The following ADAMTSL1 variants were observed in gnomAD, a reference collection of about 807,000 sequenced individuals.
The protein encoded by ADAMTSL1 is ADAMTS like 1, also known as ADAMTS-like protein 1.
ADAMTSL1 carries 126 observed loss-of-function variants against 201.8 expected under a neutral mutation model. The observed-to-expected ratio is 0.62, with a 90% confidence interval of 0.54 to 0.72. The LOEUF (loss-of-function observed/expected upper bound fraction) is 0.72. Ranked by LOEUF, ADAMTSL1 falls within the 30% of genes least tolerant of loss-of-function variation. The probability of loss-of-function intolerance (pLI) is 0.00; values close to 1 mark genes in which losing one functional copy is unlikely to be tolerated. For synonymous variants in ADAMTSL1, 1,121 were observed against 903.4 expected (o/e 1.24, Z -4.32); for missense variants, 2,679 against 2,277.8 (o/e 1.18, Z -3.59).
chr9:17,961,125 TGGTTCTA>T (rs1327407346), intron 1 of ADAMTSL1, among the ~76,000 whole-genome samples: 3 of 152,164 alleles, frequency 2.0e-5, no homozygotes, highest in Admixed American at 1.3e-4. Flanking sequence ...TGGAATCACT[TGGTTCTA>T]GGTATATACT....
intron 1 of ADAMTSL1, among the ~76,000 whole-genome samples, chr9:17,932,823 C>G (rs1826852041): frequency 6.6e-6 from 1 of 152,146 alleles, no homozygotes; most frequent in Admixed American, 6.6e-5. Context: ...ATTGCAAGCA[C>G]TTTGGAATTT....
At chr9:18,326,286 A>G (rs1834828609) in intron 2 of ADAMTSL1, among the ~76,000 whole-genome samples, 1 of 152,222 alleles carries the variant, frequency 6.6e-6, no homozygotes, top group Non-Finnish European at 1.5e-5. Flanking sequence ...AGGAGGGCTT[A>G]ACTGGAAGGA....
At chr9:18,838,431 C>A (rs924884166) in intron 23 of ADAMTSL1, among the ~76,000 whole-genome samples, 1 of 149,912 alleles carries the variant, frequency 6.7e-6, no homozygotes, top group African/African-American at 2.5e-5. Flanking sequence ...AGAAATTGTC[C>A]TCAGGAAGGT....
chr9:17,954,891 G>A (rs1191189456), intron 1 of ADAMTSL1, among the ~76,000 whole-genome samples: 2 of 152,082 alleles, frequency 1.3e-5, no homozygotes, highest in African/African-American at 2.4e-5. Context: ...TGAAGATGCT[G>A]GACCTGGAGT....
chr9:18,511,024 A>G (rs986032597), intron 2 of ADAMTSL1, among the ~76,000 whole-genome samples: 2 of 152,200 alleles, frequency 1.3e-5, no homozygotes, highest in African/African-American at 2.4e-5. Flanking sequence ...TTCCAAATGC[A>G]TAAGACAGTT....
intron 1 of ADAMTSL1, among the ~76,000 whole-genome samples, chr9:18,045,966 G>A (rs568427357): frequency 5.8e-4 from 89 of 152,260 alleles, no homozygotes; most frequent in African/African-American, 2.0e-3. Flanking sequence ...TGAAGAAGCC[G>A]TTTGTAATTA....
At chr9:18,586,734 G>A (rs2132447592) in intron 4 of ADAMTSL1, among the ~76,000 whole-genome samples, 1 of 152,192 alleles carries the variant, frequency 6.6e-6, no homozygotes, top group Admixed American at 6.5e-5. Context: ...CATGGTACTG[G>A]TTCAAGAACA....
chr9:18,597,471 A>T (rs1824343440), intron 4 of ADAMTSL1, among the ~76,000 whole-genome samples: 1 of 152,224 alleles, frequency 6.6e-6, no homozygotes, highest in Non-Finnish European at 1.5e-5. Flanking sequence ...CCAAAACTTG[A>T]AGTACAAGGT....
intron 1 of ADAMTSL1, among the ~76,000 whole-genome samples, chr9:17,976,400 T>A (rs1382961097): frequency 6.6e-6 from 1 of 152,108 alleles, no homozygotes; most frequent in Non-Finnish European, 1.5e-5. Flanking sequence ...TCAGTTTTTT[T>A]AAATCAGTAT....
intron 2 of ADAMTSL1, among the ~76,000 whole-genome samples, chr9:18,322,332 T>C (rs530848632): frequency 3.9e-5 from 6 of 152,240 alleles, no homozygotes; most frequent in Non-Finnish European, 7.4e-5. Flanking sequence ...GATTAATAAT[T>C]TTGTTAAACC....
chr9:18,726,747 G>C (rs1266698381), intron 15 of ADAMTSL1, among the ~76,000 whole-genome samples: 1 of 152,178 alleles, frequency 6.6e-6, no homozygotes, highest in Admixed American at 6.5e-5. Context: ...GAAATTCCAA[G>C]CAATTTCTGC....
intron 4 of ADAMTSL1, among the ~76,000 whole-genome samples, chr9:18,576,714 T>C (rs1261553522): frequency 6.6e-6 from 1 of 152,258 alleles, no homozygotes; most frequent in Non-Finnish European, 1.5e-5. Flanking sequence ...GAATCATTGC[T>C]ATTTATAATA....
rs375633661 is a variant in ADAMTSL1 at position 18,666,593 on chromosome 9, A to C, written c.1085+4520A>C. Among the ~76,000 whole-genome samples, 141 of 152,234 alleles carry C rather than the reference A, an allele frequency of 9.3e-4. 1 individual carries two copies. Among genetic ancestry groups the C allele is most frequent in the African/African-American group, 3.1e-3 (130 of 41,544 alleles). On this transcript the variant is annotated intron_variant, in intron 9 of 28. Coordinates refer to ENST00000380548, the MANE Select transcript of ADAMTSL1 (RefSeq NM_001040272.6). Reference sequence around the variant, plus strand: ...CATTTAGGATCTAGTAAAATGTAAAATCCTCTCTTGTGCCTACCATGGTAT... The same window carrying C: ...CATTTAGGATCTAGTAAAATGTAAACTCCTCTCTTGTGCCTACCATGGTAT...
intron 1 of ADAMTSL1, among the ~76,000 whole-genome samples, chr9:18,106,469 C>T (rs1325915901): frequency 6.6e-6 from 1 of 152,168 alleles, no homozygotes; most frequent in African/African-American, 2.4e-5. Flanking sequence ...CAAGTTTCAA[C>T]TCTGCTTAGC....
At chr9:18,437,310 A>G (rs541750194) in intron 2 of ADAMTSL1, among the ~76,000 whole-genome samples, 2 of 152,242 alleles carry the variant, frequency 1.3e-5, no homozygotes, top group South Asian at 4.2e-4. Context: ...TAAATTTTAC[A>G]TCATTCATAT....
At chr9:18,388,932 C>G (rs908816714) in intron 2 of ADAMTSL1, among the ~76,000 whole-genome samples, 19 of 151,692 alleles carry the variant, frequency 1.3e-4, no homozygotes, top group African/African-American at 3.9e-4. Context: ...AATTTTTGTA[C>G]TTCTAGTAGA....
intron 1 of ADAMTSL1, among the ~76,000 whole-genome samples, chr9:18,018,688 G>A (rs541786333): frequency 1.1e-4 from 16 of 152,080 alleles, no homozygotes; most frequent in Non-Finnish European, 1.5e-4. Flanking sequence ...TTGAGTCTTC[G>A]GATGAGACCA....
chr9:18,783,409 C>A (rs1050916840), intron 19 of ADAMTSL1, among the ~76,000 whole-genome samples: 2 of 152,188 alleles, frequency 1.3e-5, no homozygotes, highest in South Asian at 2.1e-4. Context: ...ACTCTTTCTA[C>A]GGTAGGGACC....
chr9:18,799,782 A>G (rs1822665507), intron 20 of ADAMTSL1, among the ~76,000 whole-genome samples: 1 of 152,150 alleles, frequency 6.6e-6, no homozygotes, highest in Admixed American at 6.5e-5. Context: ...ACTGATACAC[A>G]TTGTGTCTAA....
Sources: gnomAD v4.1 joint callset for allele counts (sites outside exome capture counted in the v4.1 genomes callset) on GRCh38, gnomAD v4.1.1 for gene constraint, MANE v1.5 for transcripts, NCBI Gene and HGNC (gene_info 2026-07-23, HGNC 2026-07-21) for gene names.